Variants in STXBP3 observed in about 807,000 individuals in gnomAD.
STXBP3 encodes the protein syntaxin binding protein 3.
Under a neutral mutation model 85.7 loss-of-function variants are expected in STXBP3, and 41 were observed. The observed-to-expected ratio is 0.48, with a 90% confidence interval of 0.37 to 0.62. The LOEUF (loss-of-function observed/expected upper bound fraction) is 0.62, where lower values mean the gene tolerates loss of function less well. STXBP3 is among the 20% of genes least tolerant of loss of function. The pLI is 0.00. For missense variants in STXBP3, 563 were observed against 703.1 expected, an observed-to-expected ratio of 0.80 and a Z score of 2.25; for synonymous variants, 229 against 231.7, an observed-to-expected ratio of 0.99 and a Z score of 0.10.
intron 6 of STXBP3, among the ~76,000 whole-genome samples, chr1:108,765,550 G>T (rs1570752950): frequency 2.0e-5 from 3 of 146,974 alleles, no homozygotes; most frequent in East Asian, 2.0e-4. Context: ...AAATGTCATG[G>T]TAAAAAGCAC....
intron 9 of STXBP3, chr1:108,780,913 G>A (rs1421474091): frequency 1.3e-5 from 2 of 151,798 alleles, no homozygotes; most frequent in South Asian, 2.1e-4. Context: ...GACTACAAGT[G>A]TGCACCACTG....
At chr1:108,747,414 G>A (rs1326436980) in intron 1 of STXBP3, among the ~76,000 whole-genome samples, 1 of 152,114 alleles carries the variant, frequency 6.6e-6, no homozygotes, top group Non-Finnish European at 1.5e-5. Flanking sequence ...CTGGGCAAGA[G>A]CCGCTCCTTC....
In STXBP3 at chr1:108,776,775, A is replaced by G. The variant is rs530725482; in HGVS notation, c.684+352A>G. Among the ~76,000 whole-genome samples, 4 of 152,334 alleles carry G rather than the reference A, an allele frequency of 2.6e-5. No homozygotes were observed. In the East Asian group the frequency reaches 5.8e-4, roughly 22 times the overall value. On this transcript the variant is annotated intron_variant, in intron 8 of 18. Transcript: ENST00000370008. ...TAAAAGAATACCTATTTTAAAAGTT[A>G]TGATTAAATGAGTTAATACATGGAA... is the stretch of plus-strand genomic sequence containing the variant.
At chr1:108,753,320 C>T (rs551190421) in intron 3 of STXBP3, 176 bp downstream of exon 3, 2 of 343,460 alleles carry the variant, frequency 5.8e-6, no homozygotes, top group East Asian at 3.8e-5. Context: ...TTTCCCTCAG[C>T]CGAGACATAT....
chr1:108,798,107 A>G, intron 15 of STXBP3, 38 bp from the exon 16 acceptor site: 1 of 1,466,516 alleles, frequency 6.8e-7, no homozygotes, highest in African/African-American at 1.4e-5. Flanking sequence ...TTTGAATAGA[A>G]TTACTGGTTT....
At chr1:108,791,182 A>G (rs966737763) in intron 11 of STXBP3, among the ~76,000 whole-genome samples, 1 of 152,130 alleles carries the variant, frequency 6.6e-6, no homozygotes, top group Non-Finnish European at 1.5e-5. Context: ...TCAATACATC[A>G]CCTTCTGGCT....
chr1:108,768,508 A>G (rs1557804535), intron 6 of STXBP3, among the ~76,000 whole-genome samples: 1 of 152,182 alleles, frequency 6.6e-6, no homozygotes, highest in Non-Finnish European at 1.5e-5. Context: ...AAAATAATCT[A>G]GATGTAAAGA....
chr1:108,803,296 A>G (rs1185194695), intron 17 of STXBP3, among the ~76,000 whole-genome samples: 2 of 152,180 alleles, frequency 1.3e-5, no homozygotes, highest in African/African-American at 4.8e-5. Flanking sequence ...CTTAAATGTT[A>G]TAATACTTCA....
In STXBP3 at chr1:108,763,054, A is replaced by C. The variant is rs77887653; in HGVS notation, c.438+2969A>C. ...TTTTTAAAATCAAGAGTAAGAAGTA[A>C]ACATAAAAGAATATTTGCACAAGGC... On this transcript the variant is annotated intron_variant, in intron 6 of 18. Coordinates refer to ENST00000370008, the MANE Select transcript of STXBP3 (RefSeq NM_007269.4). Among the ~76,000 whole-genome samples the C allele has an allele frequency of 7.5e-3, 1,141 of 152,324 alleles. 13 individuals are homozygous for C. The highest frequency in any genetic ancestry group is 0.026 in the African/African-American group (1,091 of 41,568).
At chr1:108,806,637 C>G (rs1663336101) in intron 17 of STXBP3, among the ~76,000 whole-genome samples, 1 of 152,142 alleles carries the variant, frequency 6.6e-6, no homozygotes, top group Non-Finnish European at 1.5e-5. Flanking sequence ...CAACCTCCTA[C>G]CATCGTAGGT....
chr1:108,796,207 C>A (rs781526294), intron 13 of STXBP3, 27 bp from the exon 14 acceptor site: 3 of 1,599,192 alleles, frequency 1.9e-6, no homozygotes, highest in South Asian at 2.3e-5. Context: ...GGTTATAGAT[C>A]ACTGACAATA....
At chr1:108,760,206 T>G in intron 6 of STXBP3, 121 bp downstream of exon 6, 1 of 552,076 alleles carries the variant, frequency 1.8e-6, no homozygotes, top group East Asian at 3.5e-5. Flanking sequence ...TTGAACCTAA[T>G]CCACAAATAG....
chr1:108,809,150 TG>T lies in STXBP3; in HGVS notation c.*276del, dbSNP rs1425287849. 4.5e-5 allele frequency: 13 copies of T among 288,584 alleles called. No homozygotes were observed. Among genetic ancestry groups the T allele is most frequent in the Non-Finnish European group, 8.3e-5 (13 of 156,348 alleles). 17.9% of individuals were successfully genotyped at this position (288,584 alleles called of 1,614,324 possible). On this transcript the variant is annotated 3_prime_UTR_variant, in exon 19 of 19. Transcript: ENST00000370008. ...TTTGGAGGAGAATATATTAGAGTTG[TG>T]GGTAATTTTTCACAGCCACCTATGT...
At position 108,809,014 on chromosome 1, in the gene STXBP3, T is replaced by A; in HGVS notation, c.*137T>A. The A allele has an allele frequency of 1.7e-6, 1 of 584,692 alleles. No individual in the cohort carries two copies. The highest frequency in any genetic ancestry group is 2.9e-6 in the Non-Finnish European group (1 of 343,710). 36.2% of individuals were successfully genotyped at this position (584,692 alleles called of 1,614,324 possible). A position where few individuals can be genotyped will look rare whatever the true frequency, so the allele number is the denominator to read the frequency against. On this transcript the variant is annotated 3_prime_UTR_variant, in exon 19 of 19. Transcript: ENST00000370008. Reference sequence around the variant, plus strand: ...TTTTCAAATACATTTCTTAAGGAACTGTTTATGATTATTACTGGATTTGTC... The same window carrying A: ...TTTTCAAATACATTTCTTAAGGAACAGTTTATGATTATTACTGGATTTGTC...
Position 108,789,605 on chromosome 1 carries a change from T to C in STXBP3, c.964-3977T>C, listed in dbSNP as rs188489928. 3.9e-5 allele frequency among the ~76,000 whole-genome samples: 6 copies of C among 152,344 alleles called. No individual in the cohort carries two copies. The East Asian group carries it at 1.2e-3, about 29-fold the overall frequency. ...TTAGTTCAAAACATTTTCTAACCCT[T>C]ATTATGATTTCTTCTTTGACCCATG... On this transcript the variant is annotated intron_variant, in intron 11 of 18. Transcript: ENST00000370008.
At chr1:108,771,605 ATATATGATATATATC>A (rs1662424041) in intron 6 of STXBP3, among the ~76,000 whole-genome samples, 1 of 74,320 alleles carries the variant, frequency 1.3e-5, no homozygotes, top group East Asian at 3.1e-4. Context: ...ATATATAAAT[ATATATGATATATATC>A]TATATATCAT....
At chr1:108,765,158 C>G (rs1479397175) in intron 6 of STXBP3, among the ~76,000 whole-genome samples, 1 of 152,188 alleles carries the variant, frequency 6.6e-6, no homozygotes, top group Non-Finnish European at 1.5e-5. Context: ...TTGTTCTTGT[C>G]AGCTTTGTCG....
chr1:108,766,144 G>A (rs1162467801), intron 6 of STXBP3, among the ~76,000 whole-genome samples: 3 of 151,584 alleles, frequency 2.0e-5, no homozygotes, highest in South Asian at 2.1e-4. Context: ...ACAAGCCACC[G>A]TGCCTAGCTG....
At chr1:108,776,279 A>G in intron 7 of STXBP3, 54 bp from the exon 8 acceptor site, 2 of 1,189,962 alleles carry the variant, frequency 1.7e-6, no homozygotes, top group South Asian at 1.7e-5. Context: ...TCATGATATT[A>G]TAAAGTATAC....
Sources: gnomAD v4.1 joint callset for allele counts (sites outside exome capture counted in the v4.1 genomes callset) on GRCh38, gnomAD v4.1.1 for gene constraint, MANE v1.5 for transcripts, NCBI Gene and HGNC (gene_info 2026-07-23, HGNC 2026-07-21) for gene names.